Variants in ROR1 observed in about 807,000 individuals in gnomAD.
ROR1 encodes the protein ROR family WNT receptor 1.
ROR1 carries 19 observed loss-of-function variants against 78.8 expected under a neutral mutation model. The observed-to-expected ratio is 0.24, with a 90% CI of 0.17 to 0.35. ROR1 has a LOEUF of 0.35. Among genes scored for constraint, ROR1 ranks in the 10% least tolerant of loss-of-function variants. The probability of loss-of-function intolerance (pLI) is 1.00; values close to 1 mark genes in which losing one functional copy is unlikely to be tolerated. For missense variants in ROR1, 917 were observed against 1,177.8 expected (o/e 0.78, Z 3.24); for synonymous variants, 386 against 433.6 (o/e 0.89, Z 1.36).
At chr1:64,003,071 A>C (rs1646398344) in intron 1 of ROR1, among the ~76,000 whole-genome samples, 1 of 152,132 alleles carries the variant, frequency 6.6e-6, no homozygotes, top group Admixed American at 6.6e-5. Context: ...CAGGTTCATC[A>C]ATCATAAAAT....
Position 64,178,340 on chromosome 1 carries a change from AC to A in ROR1, c.2301del (p.Thr768HisfsTer11), listed in dbSNP as rs763034285. ...TACTACTCCTTCAGGGGGAAATGCC[AC>A]CACACAGACAACCTCCCTCAGTGCC... ...SSTTPSGGNA[T>X]TQTTSLSASP... On this transcript the variant is annotated frameshift_variant, in exon 9 of 9. Coordinates refer to ENST00000371079, the MANE Select transcript of ROR1 (RefSeq NM_005012.4). LOFTEE classifies it high-confidence loss of function. The surrounding 1 kb of genome is among the most constrained non-coding windows in gnomAD (Gnocchi z 4.3). 1 of 1,614,166 alleles carries A rather than the reference AC, an allele frequency of 6.2e-7. No homozygotes were observed. The highest frequency in any genetic ancestry group is 1.7e-5 in the Admixed American group (1 of 60,024).
rs372075839 is a variant in ROR1 at position 64,026,457 on chromosome 1, C to G, written c.163+17081C>G. On this transcript the variant is annotated intron_variant, in intron 2 of 8. Transcript: ENST00000371079. ...AGACTTGATTATGACTCAAGTTTTC[C>G]TTTAGTTCTATGCTTCTAAACTGTG... 2.1e-4 allele frequency among the ~76,000 whole-genome samples: 32 copies of G among 152,228 alleles called. 2 individuals carry two copies. Among genetic ancestry groups the G allele is most frequent in the Admixed American group, 1.1e-3 (17 of 15,286 alleles).
intron 1 of ROR1, among the ~76,000 whole-genome samples, chr1:63,866,757 C>A (rs1161159917): frequency 2.0e-5 from 3 of 152,152 alleles, no homozygotes; most frequent in African/African-American, 7.2e-5. Flanking sequence ...ATTAAGAAGG[C>A]TTTATAGAGA....
chr1:63,847,499 T>C (rs556866380), intron 1 of ROR1, among the ~76,000 whole-genome samples: 50 of 152,224 alleles, frequency 3.3e-4, no homozygotes, highest in African/African-American at 1.1e-3. Context: ...TCCTGTGCTC[T>C]AGGTGGTGGT....
At chr1:64,095,243 T>C (rs1647268435) in intron 4 of ROR1, 1 of 152,142 alleles carries the variant, frequency 6.6e-6, no homozygotes. Flanking sequence ...TCAAAATAAA[T>C]AAGCCAGGGA....
At chr1:63,907,809 A>T (rs1392047242) in intron 1 of ROR1, among the ~76,000 whole-genome samples, 4 of 152,212 alleles carry the variant, frequency 2.6e-5, no homozygotes, top group Non-Finnish European at 4.4e-5. Context: ...AATCCTGGGC[A>T]GTGACTTATC....
intron 1 of ROR1, among the ~76,000 whole-genome samples, chr1:63,879,631 T>C (rs1245365923): frequency 6.6e-6 from 1 of 152,170 alleles, no homozygotes. Context: ...TGCATACCAA[T>C]AAATAAAGAC....
At chr1:63,844,725 T>C (rs1395498696) in intron 1 of ROR1, among the ~76,000 whole-genome samples, 2 of 150,906 alleles carry the variant, frequency 1.3e-5, no homozygotes, top group Non-Finnish European at 2.9e-5. Flanking sequence ...GTGGTGCATG[T>C]AGTGAGGAAG....
intron 1 of ROR1, among the ~76,000 whole-genome samples, chr1:63,792,417 G>C (rs985586099): frequency 6.6e-6 from 1 of 152,138 alleles, no homozygotes; most frequent in African/African-American, 2.4e-5. Flanking sequence ...CAAGCATCCA[G>C]ATAATACGAA....
At chr1:63,904,694 TTGAC>T (rs1645514928) in intron 1 of ROR1, among the ~76,000 whole-genome samples, 1 of 152,168 alleles carries the variant, frequency 6.6e-6, no homozygotes, top group African/African-American at 2.4e-5. Context: ...CTAATCCTAT[TTGAC>T]TGTTGTCCTT....
At chr1:64,064,127 G>A (rs568694027) in intron 4 of ROR1, among the ~76,000 whole-genome samples, 13 of 152,310 alleles carry the variant, frequency 8.5e-5, no homozygotes, top group African/African-American at 2.6e-4. Flanking sequence ...TGGTTACACA[G>A]GTGATGAAGT....
intron 4 of ROR1, among the ~76,000 whole-genome samples, chr1:64,126,791 AT>A (rs1398916238): frequency 6.6e-6 from 1 of 152,062 alleles, no homozygotes; most frequent in East Asian, 1.9e-4. Context: ...CTTGGCTGGC[AT>A]TTTTCCTGGC....
intron 1 of ROR1, among the ~76,000 whole-genome samples, chr1:63,969,955 A>G (rs1438731273): frequency 6.6e-6 from 1 of 151,938 alleles, no homozygotes; most frequent in Admixed American, 6.6e-5. Flanking sequence ...TTTTCCTCAA[A>G]TCTTAAGACT....
chr1:63,944,030 A>G (rs1645863091), intron 1 of ROR1, among the ~76,000 whole-genome samples: 1 of 152,136 alleles, frequency 6.6e-6, no homozygotes, highest in African/African-American at 2.4e-5. Flanking sequence ...GATTATATTG[A>G]TTTGTGAAAG....
chr1:64,041,491 C>T (rs1280748555), intron 2 of ROR1, among the ~76,000 whole-genome samples: 1 of 152,162 alleles, frequency 6.6e-6, no homozygotes, highest in East Asian at 1.9e-4. Context: ...TTTTCTTAAA[C>T]TCCTTTGAGT....
At chr1:63,944,925 C>G (rs557237734) in intron 1 of ROR1, among the ~76,000 whole-genome samples, 1 of 152,148 alleles carries the variant, frequency 6.6e-6, no homozygotes, top group Admixed American at 6.5e-5. Context: ...CAGTGTCTCT[C>G]AACCTCTCTT....
chr1:63,805,899 G>C (rs983545551), intron 1 of ROR1, among the ~76,000 whole-genome samples: 3 of 152,176 alleles, frequency 2.0e-5, no homozygotes, highest in Non-Finnish European at 4.4e-5. Context: ...TGCACCTGTA[G>C]TCCCAAATAC....
At chr1:64,049,585 G>T in intron 2 of ROR1, 106 bp from the exon 3 acceptor site, 1 of 978,180 alleles carries the variant, frequency 1.0e-6, no homozygotes, top group Non-Finnish European at 1.5e-6. Context: ...TGCCTCTCCT[G>T]CTCAGCCTCT....
At chr1:63,850,730 A>G (rs1557526926) in intron 1 of ROR1, among the ~76,000 whole-genome samples, 5 of 152,146 alleles carry the variant, frequency 3.3e-5, no homozygotes, top group Admixed American at 3.3e-4. Flanking sequence ...TATCCTCATC[A>G]AAGCCTACTT....
Sources: allele counts gnomAD v4.1 joint callset (sites outside exome capture counted in the v4.1 genomes callset), GRCh38; gene constraint gnomAD v4.1.1; non-coding constraint Gnocchi (gnomAD v3.1); transcripts MANE v1.5; gene names NCBI Gene and HGNC (gene_info 2026-07-23, HGNC 2026-07-21).